STRIP2: variants seen among roughly 807,000 people sequenced by gnomAD.
STRIP2 encodes striatin interacting protein 2.
A neutral mutation model predicts 107.1 loss-of-function variants in STRIP2; 84 were observed. The ratio of observed to expected loss-of-function variants is 0.78; its 90% CI spans 0.66 to 0.94. The LOEUF is 0.94. STRIP2 is among the 40% of genes least tolerant of loss of function. The probability of loss-of-function intolerance (pLI) is 0.00; values close to 1 mark genes in which losing one functional copy is unlikely to be tolerated. For missense variants in STRIP2, 888 were observed against 1,034.2 expected, an observed-to-expected ratio of 0.86 and a Z score of 1.94; for synonymous variants, 394 against 400.4, an observed-to-expected ratio of 0.98 and a Z score of 0.19.
At chr7:129,479,762 G>T (rs965898622) in intron 18 of STRIP2, among the ~76,000 whole-genome samples, 12 of 152,090 alleles carry the variant, frequency 7.9e-5, no homozygotes, top group Non-Finnish European at 1.6e-4. Flanking sequence ...AAAGTGCTAG[G>T]ATTACCAGTG....
At chr7:129,479,329 T>C (rs1189905223) in intron 18 of STRIP2, among the ~76,000 whole-genome samples, 2 of 151,112 alleles carry the variant, frequency 1.3e-5, no homozygotes, top group East Asian at 1.9e-4. Flanking sequence ...ACACAAGATA[T>C]AACGTCTGTA....
rs938782773 is a variant in STRIP2, at chr7:129,467,270, G to GTA, written c.1777-78_1777-77dup. On this transcript the variant is annotated intron_variant, in intron 16 of 20. Coordinates refer to ENST00000249344, the MANE Select transcript of STRIP2 (RefSeq NM_020704.3). The stretch of plus-strand genomic sequence containing the variant: ...ATTCTCAGGAATGGATATTAGATTT[G>GTA]TATTTCCTCTCTTTTTTTCAAACAT... 6 of 1,011,074 alleles carry GTA rather than the reference G, an allele frequency of 5.9e-6. No homozygotes were observed. The Admixed American group carries it at 9.7e-5, about 16-fold the overall frequency. 62.6% of individuals were successfully genotyped at this position (1,011,074 alleles called of 1,614,324 possible). A position where few individuals can be genotyped will look rare whatever the true frequency, so the allele number is the denominator to read the frequency against.
At chr7:129,434,815 C>T (rs1335779260) in intron 1 of STRIP2, among the ~76,000 whole-genome samples, 2 of 152,266 alleles carry the variant, frequency 1.3e-5, no homozygotes, top group Admixed American at 1.3e-4. Flanking sequence ...CTTTCTAGCC[C>T]TCTGGCTTTC....
Position 129,464,599 on chromosome 7 carries a change from C to CT in STRIP2, c.1650-12dup. The CT allele has an allele frequency of 6.2e-7, 1 of 1,613,934 alleles. No individual in the cohort carries two copies. Among genetic ancestry groups the CT allele is most frequent in the Non-Finnish European group, 8.5e-7 (1 of 1,179,942 alleles). ...GCCACTCTCTGCACTAATACCTTCT[C>CT]TCCCCATTGTAGCATCACTGTTCTC... On this transcript the variant is annotated splice_polypyrimidine_tract_variant and intron_variant, in intron 15 of 20. Transcript: ENST00000249344.
At chr7:129,469,946 C>T (rs1009511227) in intron 17 of STRIP2, among the ~76,000 whole-genome samples, 3 of 152,162 alleles carry the variant, frequency 2.0e-5, no homozygotes, top group Non-Finnish European at 2.9e-5. Flanking sequence ...TGTATTGTGT[C>T]AGTGAAGAAG....
intron 1 of STRIP2, among the ~76,000 whole-genome samples, chr7:129,438,220 A>T (rs746428961): frequency 5.3e-5 from 8 of 152,244 alleles, no homozygotes; most frequent in Non-Finnish European, 1.2e-4. Flanking sequence ...ATAAAAATCT[A>T]TGCTTAGGAA....
intron 5 of STRIP2, among the ~76,000 whole-genome samples, chr7:129,453,577 T>G (rs942547920): frequency 6.6e-6 from 1 of 152,212 alleles, no homozygotes; most frequent in Non-Finnish European, 1.5e-5. Context: ...ACTTACAGCT[T>G]TAATCCTGGG....
At chr7:129,480,054 C>CA (rs1799078719) in intron 18 of STRIP2, among the ~76,000 whole-genome samples, 2 of 152,156 alleles carry the variant, frequency 1.3e-5, no homozygotes, top group Admixed American at 6.5e-5. Context: ...GTTTGGCTGT[C>CA]ACGTGTGCTC....
intron 1 of STRIP2, among the ~76,000 whole-genome samples, chr7:129,434,806 T>C (rs1449375424): frequency 4.6e-5 from 7 of 152,252 alleles, no homozygotes; most frequent in Admixed American, 4.6e-4. Flanking sequence ...GGTTGGGGGC[T>C]TTCTAGCCCT....
At chr7:129,462,138 G>GGA (rs1798555157) in intron 13 of STRIP2, among the ~76,000 whole-genome samples, 1 of 152,176 alleles carries the variant, frequency 6.6e-6, no homozygotes, top group Non-Finnish European at 1.5e-5. Flanking sequence ...GTTGGTTTGA[G>GGA]GAGAGAGAAG....
intron 6 of STRIP2, 52 bp from the exon 7 acceptor site, chr7:129,454,369 T>C: frequency 6.6e-7 from 1 of 1,521,600 alleles, no homozygotes; most frequent in South Asian, 1.1e-5. Flanking sequence ...GGTCTGTGAC[T>C]ATGGGCTGGG....
At chr7:129,444,852 CAAT>C (rs1180470677) in intron 3 of STRIP2, among the ~76,000 whole-genome samples, 1 of 151,894 alleles carries the variant, frequency 6.6e-6, no homozygotes, top group Non-Finnish European at 1.5e-5. Flanking sequence ...GATATGAAGT[CAAT>C]AAATCTTATG....
intron 7 of STRIP2, 52 bp from the exon 8 acceptor site, chr7:129,455,192 G>A: frequency 2.4e-5 from 38 of 1,566,754 alleles, no homozygotes; most frequent in Non-Finnish European, 3.2e-5. Context: ...CATGAAAAAG[G>A]TTTTAGCTGC....
At chr7:129,455,163 G>A in intron 7 of STRIP2, 81 bp from the exon 8 acceptor site, 3 of 1,502,888 alleles carry the variant, frequency 2.0e-6, no homozygotes, top group Non-Finnish European at 2.7e-6. Context: ...CTTCCTGTGT[G>A]TGTCCAGAAT....
At chr7:129,434,953 C>G (rs1797693089) in intron 1 of STRIP2, among the ~76,000 whole-genome samples, 1 of 152,194 alleles carries the variant, frequency 6.6e-6, no homozygotes, top group African/African-American at 2.4e-5. Flanking sequence ...GGAACAGGAG[C>G]GGAGAGGTTA....
rs34127145 is a variant in STRIP2 at position 129,485,455 on chromosome 7, CAAAA to C, written c.2255-110_2255-107del. On this transcript the variant is annotated intron_variant, in intron 20 of 20. Transcript: ENST00000249344. ...TACTAACTTCATACATTGCTCTTTA[CAAAA>C]AAAAAAAAAAAAAGAATTTCTGAGC... The C allele has an allele frequency of 2.0e-3, 1,565 of 769,738 alleles. 8 individuals carry two copies. The African/African-American group carries it at 0.024, about 12-fold the overall frequency. The allele number at this position is 769,738 out of a possible 1,614,324, so 47.7% of individuals were successfully genotyped here.
At position 129,480,790 on chromosome 7, in the gene STRIP2, T is replaced by G; in HGVS notation, c.1950T>G (p.Ala650=). 6.2e-7 allele frequency: 1 copy of G among 1,613,332 alleles called. No homozygotes were observed. Among genetic ancestry groups the G allele is most frequent in the African/African-American group, 1.3e-5 (1 of 75,012 alleles). ...LPELTTESLE[A]GDNSQFCWRN... is the part of the protein sequence containing the mutation. Reference sequence around the variant, plus strand: ...ATGGATGTTCCCTACTATAGGAAGCTGGAGACAACAGCCAGTTCTGCTGGA... The same window carrying G: ...ATGGATGTTCCCTACTATAGGAAGCGGGAGACAACAGCCAGTTCTGCTGGA... Residue 650 remains alanine, a synonymous_variant, in exon 19 of 21, where the codon GCT becomes GCG. Transcript: ENST00000249344.
rs928658283 is a variant in STRIP2, at chr7:129,475,552, T to C, written c.1944+4837T>C. ...GGGAGTGGTGATGACTCTTTTTTTT[T>C]CTTTTTTTTTTTTTTCTTTTTATTT... On this transcript the variant is annotated intron_variant, in intron 18 of 20. Transcript: ENST00000249344. 7.3e-5 allele frequency among the ~76,000 whole-genome samples: 10 copies of C among 136,506 alleles called. 1 individual carries two copies. Among genetic ancestry groups the C allele is most frequent in the Non-Finnish European group, 1.6e-4 (10 of 63,958 alleles). 89.6% of individuals were successfully genotyped at this position (136,506 alleles called of 152,430 possible).
intron 1 of STRIP2, among the ~76,000 whole-genome samples, chr7:129,435,768 T>A (rs1373926184): frequency 6.6e-6 from 1 of 152,136 alleles, no homozygotes; most frequent in Non-Finnish European, 1.5e-5. Context: ...TCTTAGTATA[T>A]TGCTATCATC....
Sources: gnomAD v4.1 joint callset for allele counts (sites outside exome capture counted in the v4.1 genomes callset) on GRCh38, gnomAD v4.1.1 for gene constraint, MANE v1.5 for transcripts, NCBI Gene and HGNC (gene_info 2026-07-23, HGNC 2026-07-21) for gene names.